Variants in POU2F1 observed in about 807,000 individuals in gnomAD.
POU2F1 encodes the protein POU class 2 homeobox 1.
Under a neutral mutation model 84.9 loss-of-function variants are expected in POU2F1, and 16 were observed. The ratio of observed to expected loss-of-function variants is 0.19; its 90% CI spans 0.13 to 0.29. The LOEUF is 0.29. POU2F1 is among the 10% of genes least tolerant of loss of function. The pLI is 1.00. For synonymous variants in POU2F1, 368 were observed against 368.3 expected (o/e 1.00, Z 0.01); for missense variants, 738 against 942.6 (o/e 0.78, Z 2.84).
chr1:167,382,853 A>T (rs1647665696), intron 7 of POU2F1, among the ~76,000 whole-genome samples: 1 of 152,194 alleles, frequency 6.6e-6, no homozygotes, highest in African/African-American at 2.4e-5. Flanking sequence ...TTGATAGCTT[A>T]AATTTAGGCA....
chr1:167,401,572 GCCAT>G lies in POU2F1; in HGVS notation c.1555+17_1555+20del, dbSNP rs747043828. The G allele has an allele frequency of 1.3e-6, 2 of 1,575,470 alleles. No homozygotes were observed. The highest frequency in any genetic ancestry group is 2.3e-5 in the South Asian group (2 of 86,940). ...TCAGTTACAGGTAAGCAGCTGCCAGGCCATGCACCTGCTGAGCACATGGGAGGCC... is the reference window on the plus strand; with the variant it reads ...TCAGTTACAGGTAAGCAGCTGCCAGGGCACCTGCTGAGCACATGGGAGGCC... On this transcript the variant is annotated intron_variant, in intron 13 of 15. Transcript: ENST00000367866.
chr1:167,240,738 T>C (rs1557838798), intron 1 of POU2F1, among the ~76,000 whole-genome samples: 1 of 152,190 alleles, frequency 6.6e-6, no homozygotes, highest in Non-Finnish European at 1.5e-5. Context: ...CCTTTTACAG[T>C]TGGTTTGAAG....
intron 1 of POU2F1, among the ~76,000 whole-genome samples, chr1:167,221,632 G>C (rs1648197602): frequency 6.6e-6 from 1 of 150,784 alleles, no homozygotes; most frequent in Non-Finnish European, 1.5e-5. Context: ...CTCCCTGCCC[G>C]CGCCCCGCGC....
chr1:167,273,153 G>A (rs1321402511), intron 1 of POU2F1, among the ~76,000 whole-genome samples: 1 of 152,154 alleles, frequency 6.6e-6, no homozygotes, highest in Non-Finnish European at 1.5e-5. Flanking sequence ...CTCATATCCG[G>A]GCAGCACTGA....
intron 1 of POU2F1, among the ~76,000 whole-genome samples, chr1:167,292,503 C>T (rs1653998301): frequency 6.7e-6 from 1 of 148,338 alleles, no homozygotes; most frequent in Admixed American, 6.7e-5. Flanking sequence ...AAAAACTTGC[C>T]AACAAAAAAA....
chr1:167,306,527 T>C (rs1292528995), intron 1 of POU2F1, among the ~76,000 whole-genome samples: 1 of 152,194 alleles, frequency 6.6e-6, no homozygotes, highest in Non-Finnish European at 1.5e-5. Context: ...AAGGATAACC[T>C]TGGGAGACAG....
At chr1:167,338,351 CTG>C (rs1341198760) in intron 2 of POU2F1, 57 of 396,286 alleles carry the variant, frequency 1.4e-4, no homozygotes, top group Non-Finnish European at 2.4e-4. Flanking sequence ...TTTTAGTCAA[CTG>C]TTTATGTTAT....
chr1:167,263,666 C>G (rs1307753764), intron 1 of POU2F1, among the ~76,000 whole-genome samples: 1 of 152,182 alleles, frequency 6.6e-6, no homozygotes, highest in Non-Finnish European at 1.5e-5. Flanking sequence ...CCTTCAGTAT[C>G]TCTCCATTTG....
In POU2F1 at chr1:167,231,906, G is replaced by A. The variant is rs116041316; in HGVS notation, c.61+10948G>A. On this transcript the variant is annotated intron_variant, in intron 1 of 15. Coordinates refer to ENST00000367866, the MANE Select transcript of POU2F1 (RefSeq NM_002697.4). Reference sequence around the variant, plus strand: ...GAATTGAAAATGTTCTGAGCAAAGGGAACACTATGCAGACATCTCAGACAT... The same window carrying A: ...GAATTGAAAATGTTCTGAGCAAAGGAAACACTATGCAGACATCTCAGACAT... Among the ~76,000 whole-genome samples, 526 of 152,242 alleles carry A rather than the reference G, an allele frequency of 3.5e-3. 2 individuals carry two copies. Among genetic ancestry groups the A allele is most frequent in the Middle Eastern group, 0.01 (3 of 294 alleles).
At chr1:167,339,259 A>AT (rs2101749459) in intron 2 of POU2F1, among the ~76,000 whole-genome samples, 1 of 152,188 alleles carries the variant, frequency 6.6e-6, no homozygotes, top group East Asian at 1.9e-4. Context: ...AACACTTACT[A>AT]TCCTGAACTT....
chr1:167,221,286 G>T (rs372841140), intron 1 of POU2F1, among the ~76,000 whole-genome samples: 2 of 151,240 alleles, frequency 1.3e-5, no homozygotes, highest in East Asian at 3.9e-4. Context: ...CCGCCTCCTC[G>T]CCGCCGTGCC....
intron 9 of POU2F1, among the ~76,000 whole-genome samples, chr1:167,393,082 TG>T (rs1180164201): frequency 1.3e-5 from 2 of 152,232 alleles, no homozygotes; most frequent in African/African-American, 2.4e-5. Flanking sequence ...TTATCACATG[TG>T]GTACATTCAT....
intron 1 of POU2F1, among the ~76,000 whole-genome samples, chr1:167,255,980 CT>C (rs1330258843): frequency 6.6e-6 from 1 of 152,122 alleles, no homozygotes; most frequent in African/African-American, 2.4e-5. Context: ...TCCTTTCCTA[CT>C]TTTAGTCCGT....
At chr1:167,248,966 A>T (rs1557844566) in intron 1 of POU2F1, among the ~76,000 whole-genome samples, 1 of 152,228 alleles carries the variant, frequency 6.6e-6, no homozygotes, top group African/African-American at 2.4e-5. Flanking sequence ...AAGAACTAGG[A>T]TTTAAACCCA....
At chr1:167,352,872 G>T (rs142447690) in intron 2 of POU2F1, among the ~76,000 whole-genome samples, 1 of 152,296 alleles carries the variant, frequency 6.6e-6, no homozygotes, top group South Asian at 2.1e-4. Flanking sequence ...TGTTTTCGTA[G>T]TAAGAAGGTA....
intron 1 of POU2F1, among the ~76,000 whole-genome samples, chr1:167,330,128 T>C (rs1257456082): frequency 6.6e-6 from 1 of 152,198 alleles, no homozygotes; most frequent in African/African-American, 2.4e-5. Context: ...TGCAGAATTA[T>C]TGAGACTTTT....
At chr1:167,290,412 A>G (rs1342101570) in intron 1 of POU2F1, among the ~76,000 whole-genome samples, 1 of 152,248 alleles carries the variant, frequency 6.6e-6, no homozygotes, top group African/African-American at 2.4e-5. Flanking sequence ...AAAGTGTAGC[A>G]CGAAAACCAC....
intron 1 of POU2F1, among the ~76,000 whole-genome samples, chr1:167,235,704 C>T (rs1384305052): frequency 2.0e-5 from 3 of 152,092 alleles, no homozygotes; most frequent in Non-Finnish European, 2.9e-5. Context: ...GCTGTTTTTC[C>T]CCCATTGCTC....
At chr1:167,221,601 C>T (rs1481626529) in intron 1 of POU2F1, among the ~76,000 whole-genome samples, 14 of 150,298 alleles carry the variant, frequency 9.3e-5, no homozygotes, top group Non-Finnish European at 1.6e-4. Context: ...TCAGGGCAAC[C>T]GGGGGTGCGC....
Sources: gnomAD v4.1 joint callset for allele counts (sites outside exome capture counted in the v4.1 genomes callset) on GRCh38, gnomAD v4.1.1 for gene constraint, MANE v1.5 for transcripts, NCBI Gene and HGNC (gene_info 2026-07-23, HGNC 2026-07-21) for gene names.